RBFOX1: variants seen among roughly 807,000 people sequenced by gnomAD.
RBFOX1 encodes the protein RNA binding protein fox-1 homolog 1.
A neutral mutation model predicts 57.7 loss-of-function variants in RBFOX1; 8 were observed. That is an observed-to-expected ratio of 0.14 (90% CI 0.08 to 0.25). The LOEUF (loss-of-function observed/expected upper bound fraction) is 0.25, where lower values mean the gene tolerates loss of function less well. Among genes scored for constraint, RBFOX1 ranks in the 10% least tolerant of loss-of-function variants. The probability of loss-of-function intolerance (pLI) is 1.00; values close to 1 mark genes in which losing one functional copy is unlikely to be tolerated. For synonymous variants in RBFOX1, 326 were observed against 222.4 expected (o/e 1.47, Z -4.15); for missense variants, 611 against 548.5 (o/e 1.11, Z -1.14).
At chr16:5,637,954 T>C (rs1383124860) in intron 3 of RBFOX1, among the ~76,000 whole-genome samples, 2 of 152,228 alleles carry the variant, frequency 1.3e-5, no homozygotes, top group Admixed American at 1.3e-4. Context: ...AGAGGTCCAG[T>C]GTTCTCAAGT....
At position 6,277,271 on chromosome 16, in the gene RBFOX1, G is replaced by A. The variant is rs140775624; in HGVS notation, c.-126-39724G>A. ...ACCCTAGGAGTTTGAGACCAGCCTG[G>A]GCAACATGGTGAAACCCCATCTCTA... On this transcript the variant is annotated intron_variant, in intron 1 of 15. Transcript: ENST00000550418. Among the ~76,000 whole-genome samples the A allele has an allele frequency of 7.9e-5, 12 of 152,032 alleles. 1 individual carries two copies. The East Asian group carries it at 1.7e-3, about 22-fold the overall frequency.
At chr16:7,211,339 C>T (rs989125234) in intron 4 of RBFOX1, among the ~76,000 whole-genome samples, 7 of 141,512 alleles carry the variant, frequency 4.9e-5, no homozygotes, top group African/African-American at 1.9e-4. Flanking sequence ...TTGCAGTGAG[C>T]CGAGATTGCA....
chr16:6,172,106 C>T (rs533852614), intron 1 of RBFOX1, among the ~76,000 whole-genome samples: 2 of 152,234 alleles, frequency 1.3e-5, no homozygotes, highest in South Asian at 4.1e-4. Flanking sequence ...CAGGCATGAG[C>T]CACCGAGCCC....
intron 10 of RBFOX1, among the ~76,000 whole-genome samples, chr16:7,611,494 A>G (rs2057453735): frequency 6.6e-6 from 1 of 151,706 alleles, no homozygotes; most frequent in Non-Finnish European, 1.5e-5. Flanking sequence ...CAGAAGAATC[A>G]CTTGAACCTG....
chr16:7,383,757 T>A (rs1308702669), intron 4 of RBFOX1, among the ~76,000 whole-genome samples: 1 of 152,168 alleles, frequency 6.6e-6, no homozygotes, highest in Non-Finnish European at 1.5e-5. Flanking sequence ...ACAAAGTATG[T>A]TAAAGTATCC....
At chr16:7,381,679 G>A (rs1353836790) in intron 4 of RBFOX1, among the ~76,000 whole-genome samples, 1 of 152,128 alleles carries the variant, frequency 6.6e-6, no homozygotes, top group Non-Finnish European at 1.5e-5. Flanking sequence ...AAATGCAAAT[G>A]TCCCACCGTA....
At chr16:6,813,974 C>A (rs929203131) in intron 3 of RBFOX1, among the ~76,000 whole-genome samples, 1 of 152,194 alleles carries the variant, frequency 6.6e-6, no homozygotes, top group African/African-American at 2.4e-5. Context: ...CTAACACTCT[C>A]ATCATGGCAC....
chr16:7,160,802 C>G (rs2078158550), intron 4 of RBFOX1, among the ~76,000 whole-genome samples: 1 of 147,186 alleles, frequency 6.8e-6, no homozygotes, highest in Non-Finnish European at 1.5e-5. Context: ...CTCCGTCTCC[C>G]CCTTTCTTCT....
rs144359890 is a variant in RBFOX1, at chr16:7,109,467, T to C, written c.27+57369T>C. Among the ~76,000 whole-genome samples the C allele has an allele frequency of 2.6e-5, 4 of 152,138 alleles. No homozygotes were observed. The East Asian group carries it at 7.8e-4, about 30-fold the overall frequency. On this transcript the variant is annotated intron_variant, in intron 4 of 15. Coordinates refer to ENST00000550418, the MANE Select transcript of RBFOX1 (RefSeq NM_018723.4). ...AAAGTGAGGCCCCCAGGTGGATGTA[T>C]GGAAGGAAGGTGGTGCACCTTTGGG...
At chr16:7,649,286 A>G in intron 11 of RBFOX1, among the ~76,000 whole-genome samples, 1 of 152,176 alleles carries the variant, frequency 6.6e-6, no homozygotes, top group East Asian at 1.9e-4. Context: ...AATTTTCTTA[A>G]TTACTATATT....
At chr16:6,757,020 T>A (rs374552859) in intron 3 of RBFOX1, among the ~76,000 whole-genome samples, 1 of 100,980 alleles carries the variant, frequency 9.9e-6, no homozygotes, top group Non-Finnish European at 2.0e-5. Context: ...ACAAAAAACA[T>A]ACAAATGGCC....
chr16:5,244,245 C>T (rs1208945817), intron 1 of RBFOX1, among the ~76,000 whole-genome samples: 1 of 152,220 alleles, frequency 6.6e-6, no homozygotes, highest in East Asian at 1.9e-4. Flanking sequence ...TGGGCAATAT[C>T]TTTACATTTG....
chr16:6,678,520 C>G (rs77823125), intron 3 of RBFOX1, among the ~76,000 whole-genome samples: 9 of 151,464 alleles, frequency 5.9e-5, no homozygotes, highest in African/African-American at 4.9e-5. Context: ...TTTACACTTA[C>G]AAAATAAAGA....
In RBFOX1 at chr16:5,408,487, C is replaced by A. The variant is rs501410; in HGVS notation, c.220-58729C>A. Among the ~76,000 whole-genome samples, 773 of 152,208 alleles carry A rather than the reference C, an allele frequency of 5.1e-3. 6 individuals are homozygous for A. The highest frequency in any genetic ancestry group is 0.017 in the African/African-American group (697 of 41,536). On this transcript the variant is annotated intron_variant, in intron 1 of 2. Transcript: ENST00000585867. Reference sequence around the variant, plus strand: ...TCTGTGCTGGGAGTGGGTTCTCACACTGTGCCACCCAGCCCACGTCTGGTT... The same window carrying A: ...TCTGTGCTGGGAGTGGGTTCTCACAATGTGCCACCCAGCCCACGTCTGGTT...
In RBFOX1 at chr16:5,848,744, C is replaced by T. The variant is rs533896786; in HGVS notation, c.319-18559C>T. 2.0e-5 allele frequency among the ~76,000 whole-genome samples: 3 copies of T among 152,070 alleles called. 1 individual carries two copies. The highest frequency in any genetic ancestry group is 4.2e-4 in the South Asian group (2 of 4,818). On this transcript the variant is annotated intron_variant, in intron 3 of 19. Transcript: ENST00000641259. ...GGTGGATCACCTGAGGTCAGAAGTT[C>T]GAGACCAGCCTGGCCAACATGGTGA...
At chr16:7,253,937 C>T (rs2094580129) in intron 4 of RBFOX1, among the ~76,000 whole-genome samples, 1 of 152,242 alleles carries the variant, frequency 6.6e-6, no homozygotes, top group East Asian at 1.9e-4. Context: ...TCTCTTGTAT[C>T]TAGAAAGGGG....
At chr16:7,296,838 A>G (rs112962714) in intron 4 of RBFOX1, among the ~76,000 whole-genome samples, 7,676 of 152,072 alleles carry the variant, frequency 0.05, 258 homozygotes, top group South Asian at 0.15. Context: ...CTATTCCTCT[A>G]CTTGGAGGAA....
intron 3 of RBFOX1, among the ~76,000 whole-genome samples, chr16:5,717,996 C>T (rs1382649838): frequency 6.6e-6 from 1 of 152,222 alleles, no homozygotes; most frequent in Non-Finnish European, 1.5e-5. Flanking sequence ...TCTACACTTT[C>T]TCATGACCTC....
At chr16:6,681,318 G>C (rs545671762) in intron 3 of RBFOX1, among the ~76,000 whole-genome samples, 1 of 151,336 alleles carries the variant, frequency 6.6e-6, no homozygotes, top group South Asian at 2.1e-4. Context: ...AGCCTGTCTG[G>C]AAAAAAAACA....
Sources: gnomAD v4.1 joint callset for allele counts (sites outside exome capture counted in the v4.1 genomes callset) on GRCh38, gnomAD v4.1.1 for gene constraint, MANE v1.5 for transcripts, NCBI Gene and HGNC (gene_info 2026-07-23, HGNC 2026-07-21) for gene names.